Variants in POLR1A observed in about 807,000 individuals in gnomAD.
POLR1A encodes the protein RNA polymerase I subunit A.
In POLR1A, 84 loss-of-function variants were observed where a neutral mutation model predicts 205.3. The observed-to-expected ratio is 0.41, with a 90% CI of 0.34 to 0.49. The LOEUF (loss-of-function observed/expected upper bound fraction) is 0.49. POLR1A is among the 20% of genes least tolerant of loss of function. The probability of loss-of-function intolerance (pLI) is 0.22; values close to 1 mark genes in which losing one functional copy is unlikely to be tolerated. For synonymous variants in POLR1A, 799 were observed against 863.7 expected (o/e 0.93, Z 1.31); for missense variants, 1,645 against 2,204.5 (o/e 0.75, Z 5.08).
chr2:86,087,070 A>G (rs994009033), intron 6 of POLR1A, among the ~76,000 whole-genome samples: 1 of 152,258 alleles, frequency 6.6e-6, no homozygotes, highest in Admixed American at 6.5e-5. Flanking sequence ...AAAAGTCTGT[A>G]GTTTAGATAA....
chr2:86,073,697 G>C (rs1673221955), intron 12 of POLR1A, among the ~76,000 whole-genome samples: 1 of 152,194 alleles, frequency 6.6e-6, no homozygotes, highest in Non-Finnish European at 1.5e-5. Flanking sequence ...ACTTCCTAGT[G>C]GTTCCCCCAC....
chr2:86,085,194 C>A (rs1015070159), intron 6 of POLR1A, among the ~76,000 whole-genome samples: 5 of 152,144 alleles, frequency 3.3e-5, no homozygotes, highest in Non-Finnish European at 5.9e-5. Flanking sequence ...ATCTACTGAT[C>A]TTGCAATCCG....
Position 86,065,464 on chromosome 2 carries a change from T to C in POLR1A, c.1868A>G (p.Asp623Gly). The C allele has an allele frequency of 6.2e-7, 1 of 1,612,434 alleles. No individual in the cohort carries two copies. The highest frequency in any genetic ancestry group is 8.5e-7 in the Non-Finnish European group (1 of 1,179,194). The change falls in exon 14 of 34, where the codon GAT (aspartate) becomes GGT (glycine). Residue 623 changes from aspartate (D) to glycine (G), a missense_variant and splice_region_variant. Coordinates refer to ENST00000263857, the MANE Select transcript of POLR1A (RefSeq NM_015425.6). ...CTDQQYLVPK[D>G]GQPLAGLIQD... ...GATCAGTCCCGCCAATGGTTGGCCATCCTATAAGCCAAAACAGACAACACA... is the reference window on the plus strand; with the variant it reads ...GATCAGTCCCGCCAATGGTTGGCCACCCTATAAGCCAAAACAGACAACACA...
intron 29 of POLR1A, among the ~76,000 whole-genome samples, 200 bp from the exon 30 acceptor site, chr2:86,031,835 C>T (rs546634832): frequency 2.0e-4 from 30 of 152,280 alleles, no homozygotes; most frequent in African/African-American, 7.2e-4. Context: ...CCTCTCTGTC[C>T]CCCTGAGCCC....
intron 9 of POLR1A, among the ~76,000 whole-genome samples, chr2:86,080,083 T>C (rs1301328676): frequency 6.6e-6 from 1 of 152,132 alleles, no homozygotes; most frequent in African/African-American, 2.4e-5. Flanking sequence ...TGGCGCCACC[T>C]TGTGATGGGC....
At position 86,021,256 on chromosome 2, in the gene POLR1A, C is replaced by A. The variant is rs186096867; in HGVS notation, c.*6167G>T. 2.2e-3 allele frequency: 336 copies of A among 152,484 alleles called. 5 individuals are homozygous for A. The highest frequency in any genetic ancestry group is 0.01 in the Middle Eastern group (3 of 296). 9.4% of individuals were successfully genotyped at this position (152,484 alleles called of 1,614,324 possible). On this transcript the variant is annotated 3_prime_UTR_variant, in exon 34 of 34. Coordinates refer to ENST00000263857, the MANE Select transcript of POLR1A (RefSeq NM_015425.6). Reference sequence around the variant, plus strand: ...GAAAACACTGCAGCGGGCAGCCAGTCCGGAAGGCAGCATCTGGCAGGGCCT... The same window carrying A: ...GAAAACACTGCAGCGGGCAGCCAGTACGGAAGGCAGCATCTGGCAGGGCCT...
intron 30 of POLR1A, 125 bp from the exon 31 acceptor site, chr2:86,030,521 C>A (rs1003218699): frequency 4.0e-5 from 27 of 677,532 alleles, no homozygotes; most frequent in East Asian, 1.1e-4. Context: ...TCCTGCTGGG[C>A]AAGCCAGCAG....
At chr2:86,051,758 T>C (rs1238339949) in intron 16 of POLR1A, among the ~76,000 whole-genome samples, 1 of 152,268 alleles carries the variant, frequency 6.6e-6, no homozygotes, top group African/African-American at 2.4e-5. Flanking sequence ...GCCAGGTGAC[T>C]GCTTCAGGGG....
In POLR1A at chr2:86,048,977, C is replaced by G. The variant is rs1050132904; in HGVS notation, c.2541G>C (p.Gln847His). 3.1e-6 allele frequency: 5 copies of G among 1,613,822 alleles called. No homozygotes were observed. The highest frequency in any genetic ancestry group is 4.2e-6 in the Non-Finnish European group (5 of 1,179,752). Residue 847 changes from glutamine to histidine, a missense_variant, in exon 18 of 34, where the codon CAG becomes CAC. By Grantham distance (24) the Gln-to-His change is conservative (BLOSUM62 0). Around this residue, in one of 16 missense-constraint regions of POLR1A, gnomAD observed 339 missense variants for 415.1 expected, o/e 0.82. Coordinates refer to ENST00000263857, the MANE Select transcript of POLR1A (RefSeq NM_015425.6). The stretch of plus-strand genomic sequence containing the variant: ...TCTGGTCCTTGCCCAGATGGGCATC[C>G]TGCCATTTTCCTCGGACCTCATCAT... ...ASYDEVRGKWQDAHLGKDQRD... is the reference protein window; with the variant it reads ...ASYDEVRGKWHDAHLGKDQRD...
rs1268020800 is a variant in POLR1A at position 86,054,245 on chromosome 2, G to A, written c.2103C>T (p.Ile701=). 1.2e-6 allele frequency: 2 copies of A among 1,613,984 alleles called. No individual in the cohort carries two copies. The highest frequency in any genetic ancestry group is 1.7e-6 in the Non-Finnish European group (2 of 1,179,842). ...TCGCCTTTCCAGATAAGTTCAGTGG[G>A]ATGTGGTCCTCTGGGATTATATTTA... ...LLINIIPEDH[I]PLNLSGKAKI... The change falls in exon 15 of 34, where the codon ATC becomes ATT. Residue 701 remains isoleucine (I), a synonymous_variant. Transcript: ENST00000263857.
intron 13 of POLR1A, among the ~76,000 whole-genome samples, chr2:86,066,326 C>T (rs1014022415): frequency 1.5e-4 from 23 of 152,174 alleles, no homozygotes; most frequent in African/African-American, 5.5e-4. Context: ...AGGCTGTTAT[C>T]TACCAGATGC....
intron 18 of POLR1A, among the ~76,000 whole-genome samples, chr2:86,047,600 G>A (rs1215411822): frequency 6.6e-6 from 1 of 152,226 alleles, no homozygotes; most frequent in Non-Finnish European, 1.5e-5. Flanking sequence ...AAAAGAAGCT[G>A]GAGAAGAATA....
intron 21 of POLR1A, 111 bp downstream of exon 21, chr2:86,045,165 CCA>C (rs762789468): frequency 8.4e-6 from 6 of 716,180 alleles, no homozygotes; most frequent in Non-Finnish European, 1.5e-5. Context: ...TGGAAACTTT[CCA>C]AAAGTTTTTT....
intron 13 of POLR1A, among the ~76,000 whole-genome samples, chr2:86,066,923 C>T (rs1673091974): frequency 6.6e-6 from 1 of 152,162 alleles, no homozygotes; most frequent in Non-Finnish European, 1.5e-5. Context: ...TCTTATTTTG[C>T]TTGGGGGAAA....
At chr2:86,040,968 A>G (rs1223198916) in intron 24 of POLR1A, among the ~76,000 whole-genome samples, 2 of 152,178 alleles carry the variant, frequency 1.3e-5, no homozygotes. Context: ...TAAAAATTAG[A>G]AAGAGGTTCA....
At chr2:86,062,973 A>C (rs944843679) in intron 14 of POLR1A, among the ~76,000 whole-genome samples, 3 of 152,226 alleles carry the variant, frequency 2.0e-5, no homozygotes, top group African/African-American at 7.2e-5. Flanking sequence ...AAACAATTAA[A>C]GCTCATTCAA....
At chr2:86,048,266 G>A (rs1252363443) in intron 18 of POLR1A, among the ~76,000 whole-genome samples, 1 of 152,236 alleles carries the variant, frequency 6.6e-6, no homozygotes, top group East Asian at 1.9e-4. Flanking sequence ...TGGCTCTGGG[G>A]CAGAAAGGCA....
chr2:86,075,097 C>A lies in POLR1A; in HGVS notation c.1544G>T (p.Arg515Leu), dbSNP rs748546251. The A allele has an allele frequency of 6.2e-7, 1 of 1,612,880 alleles. No individual in the cohort carries two copies. Among genetic ancestry groups the A allele is most frequent in the Admixed American group, 1.7e-5 (1 of 59,980 alleles). The change falls in exon 12 of 34, where the codon CGA becomes CTA. Residue 515 changes from arginine to leucine, a missense_variant. By Grantham distance (102) the Arg-to-Leu change is moderately radical. Coordinates refer to ENST00000263857, the MANE Select transcript of POLR1A (RefSeq NM_015425.6). ...TALSAVDMTQ[R>L]EAVAKQLLTP... ...CAGAAGCTGCTTGGCCACGGCCTCTCGCTGGGTCATGTCCACAGCGCTCAG... is the reference window on the plus strand; with the variant it reads ...CAGAAGCTGCTTGGCCACGGCCTCTAGCTGGGTCATGTCCACAGCGCTCAG...
At chr2:86,063,359 A>AAAAG (rs1673032959) in intron 14 of POLR1A, among the ~76,000 whole-genome samples, 2 of 149,506 alleles carry the variant, frequency 1.3e-5, no homozygotes, top group East Asian at 1.9e-4. Flanking sequence ...AAAAAAAAAA[A>AAAAG]AAAGAAAGAA....
Sources: gnomAD v4.1 joint callset for allele counts (sites outside exome capture counted in the v4.1 genomes callset) on GRCh38, gnomAD v4.1.1 for gene constraint, gnomAD v4.1.1 regional missense constraint, MANE v1.5 for transcripts, NCBI Gene and HGNC (gene_info 2026-07-23, HGNC 2026-07-21) for gene names.